Variants in DMC1 observed in about 807,000 individuals in gnomAD.
DMC1 encodes DNA meiotic recombinase 1, also known as meiotic recombination protein DMC1 homolog.
In DMC1, 27 loss-of-function variants were observed where a neutral mutation model predicts 50.1. The observed-to-expected ratio is 0.54, with a 90% CI of 0.40 to 0.74. The LOEUF (loss-of-function observed/expected upper bound fraction) is 0.74, where lower values mean the gene tolerates loss of function less well. Among genes scored for constraint, DMC1 ranks in the 30% least tolerant of loss-of-function variants. The probability of loss-of-function intolerance (pLI) is 0.00; values close to 1 mark genes in which losing one functional copy is unlikely to be tolerated. For missense variants in DMC1, 295 were observed against 420.2 expected (o/e 0.70, Z 2.60); for synonymous variants, 148 against 136.1 (o/e 1.09, Z -0.61).
At chr22:38,567,773 G>A (rs754546919) in intron 2 of DMC1, 146 bp from the exon 3 acceptor site, 61 of 663,056 alleles carry the variant, frequency 9.2e-5, no homozygotes, top group Admixed American at 2.6e-4. Context: ...GATCAATACC[G>A]TTTTTCAAAC....
At chr22:38,514,606 A>T (rs894397363), downstream of DMC1, among the ~76,000 whole-genome samples, 1 of 152,130 alleles carries the variant, frequency 6.6e-6, no homozygotes, top group Non-Finnish European at 1.5e-5. Context: ...ATAAAACAGG[A>T]TAGGTAAATA....
chr22:38,511,132 T>G, the DMC1 span, among the ~76,000 whole-genome samples: 1 of 150,396 alleles, frequency 6.6e-6, no homozygotes, highest in Non-Finnish European at 1.5e-5. Context: ...AGACCCCATC[T>G]GTAAAACAAA....
intron 12 of DMC1, among the ~76,000 whole-genome samples, chr22:38,533,668 CTAAT>C (rs912105490): frequency 2.0e-5 from 3 of 151,966 alleles, no homozygotes; most frequent in African/African-American, 7.3e-5. Flanking sequence ...TTAATTTACT[CTAAT>C]TAATTTAGGC....
intron 12 of DMC1, among the ~76,000 whole-genome samples, chr22:38,530,918 A>C (rs918907181): frequency 6.6e-6 from 1 of 152,056 alleles, no homozygotes; most frequent in African/African-American, 2.4e-5. Context: ...AAAAATACAA[A>C]AATTAGCCAG....
At chr22:38,557,981 G>C (rs1316123909) in intron 5 of DMC1, among the ~76,000 whole-genome samples, 1 of 9,044 alleles carries the variant, frequency 1.1e-4, no homozygotes, top group Non-Finnish European at 2.2e-4. Context: ...TTTTTTTTTT[G>C]AGACGGAGTC....
rs144287748 is a variant in DMC1, at chr22:38,532,651, A to G, written c.836+4941T>C. ...TTTTTTTTTTTTGAGACAGGTTCTC[A>G]CTCTCTTGCCCAGGCTGGAGTGCAG... On this transcript the variant is annotated intron_variant, in intron 12 of 13. Coordinates refer to ENST00000216024, the MANE Select transcript of DMC1 (RefSeq NM_007068.4). Among the ~76,000 whole-genome samples the G allele has an allele frequency of 2.1e-3, 312 of 148,942 alleles. 6 individuals are homozygous for G. In the East Asian group the frequency reaches 0.058, roughly 28 times the overall value.
chr22:38,549,927 A>G lies in DMC1; in HGVS notation c.492T>C (p.Thr164=), dbSNP rs1423030509. ...GCAACTTTAAATAAAAAGGTTACAA[A>G]GTATTTTCTGTATCAATGAAGATAA... The part of the protein sequence containing the change: ...GKIIFIDTEN[T]FRPDRLRDIA... Residue 164 remains threonine (T), a splice_region_variant and synonymous_variant, in exon 8 of 14, where the codon ACT becomes ACC. Coordinates refer to ENST00000216024, the MANE Select transcript of DMC1 (RefSeq NM_007068.4). 3 of 1,610,766 alleles carry G rather than the reference A, an allele frequency of 1.9e-6. No homozygotes were observed. The highest frequency in any genetic ancestry group is 1.7e-6 in the Non-Finnish European group (2 of 1,177,364).
At chr22:38,560,679 A>G (rs779407056) in intron 5 of DMC1, among the ~76,000 whole-genome samples, 2 of 151,946 alleles carry the variant, frequency 1.3e-5, no homozygotes, top group Non-Finnish European at 2.9e-5. Flanking sequence ...ACACACACAC[A>G]TATACACATA....
chr22:38,517,204 G>A (rs1379768993), downstream of DMC1, among the ~76,000 whole-genome samples: 2 of 152,210 alleles, frequency 1.3e-5, no homozygotes, highest in African/African-American at 2.4e-5. Context: ...CTTGGCTAGT[G>A]CCTTTGCTAT....
chr22:38,550,947 AAAGAAAG>A lies in DMC1; in HGVS notation c.422-957_422-951del, dbSNP rs1393502765. Among the ~76,000 whole-genome samples the A allele has an allele frequency of 2.0e-3, 248 of 126,284 alleles. 4 individuals carry two copies. Among genetic ancestry groups the A allele is most frequent in the African/African-American group, 7.9e-3 (231 of 29,088 alleles). 82.8% of individuals were successfully genotyped at this position (126,284 alleles called of 152,430 possible). A position where few individuals can be genotyped will look rare whatever the true frequency, so the allele number is the denominator to read the frequency against. ...CTCCATCTCAAAAAAAAAAAAAAAA[AAAGAAAG>A]AAAGAAAGAAAGAAAGAAAAAAGAA... is the stretch of plus-strand genomic sequence containing the variant. On this transcript the variant is annotated intron_variant, in intron 7 of 13. Transcript: ENST00000216024.
chr22:38,534,770 G>A (rs1946953141), intron 12 of DMC1, among the ~76,000 whole-genome samples: 1 of 152,016 alleles, frequency 6.6e-6, no homozygotes, highest in Non-Finnish European at 1.5e-5. Context: ...GGGAGGCCAA[G>A]GTGGGTGGAA....
intron 8 of DMC1, among the ~76,000 whole-genome samples, chr22:38,543,065 AAAGAC>A (rs1222022562): frequency 6.6e-6 from 1 of 152,214 alleles, no homozygotes; most frequent in African/African-American, 2.4e-5. Context: ...AAAATGGATT[AAAGAC>A]TTAAATCTAA....
rs369538413 is a variant in DMC1 at position 38,538,546 on chromosome 22, T to C, written c.653A>G (p.Lys218Arg). ...AKFHEEAGIF[K>R]LLIIDSIMAL... ...ATATTTAAAAGCTTGTACCAATAGC[T>C]TGAAGATGCCAGCTTCTTCATGGAA... The change falls in exon 10 of 14, where the codon AAG becomes AGG. Residue 218 changes from lysine (K) to arginine (R), a missense_variant. Transcript: ENST00000216024. 1.6e-5 allele frequency: 26 copies of C among 1,613,684 alleles called. No homozygotes were observed. The highest frequency in any genetic ancestry group is 1.6e-4 in the Middle Eastern group (1 of 6,084).
intron 12 of DMC1, among the ~76,000 whole-genome samples, chr22:38,528,443 T>C (rs1306239571): frequency 6.6e-6 from 1 of 152,062 alleles, no homozygotes; most frequent in Non-Finnish European, 1.5e-5. Flanking sequence ...TGTTCTATCC[T>C]TACGGCAATC....
intron 12 of DMC1, among the ~76,000 whole-genome samples, chr22:38,532,344 A>G (rs1351541051): frequency 6.7e-6 from 1 of 148,440 alleles, no homozygotes; most frequent in Admixed American, 6.8e-5. Context: ...CTTTTTTGAG[A>G]CAGAGTCTCA....
chr22:38,536,723 C>A (rs961698177), intron 12 of DMC1, among the ~76,000 whole-genome samples: 9 of 152,150 alleles, frequency 5.9e-5, no homozygotes, highest in Admixed American at 2.6e-4. Context: ...TAGCCCTAGA[C>A]CAAAGAGAAG....
chr22:38,512,436 G>C, the DMC1 span, among the ~76,000 whole-genome samples: 2 of 152,220 alleles, frequency 1.3e-5, no homozygotes, highest in African/African-American at 4.8e-5. Context: ...CACTGTAGTA[G>C]CATCTCTGGA....
At chr22:38,549,007 C>T (rs1002093563) in intron 8 of DMC1, among the ~76,000 whole-genome samples, 1 of 152,066 alleles carries the variant, frequency 6.6e-6, no homozygotes, top group Non-Finnish European at 1.5e-5. Flanking sequence ...CTTTGTCTAC[C>T]AAATATAGCC....
At chr22:38,567,555 T>C in intron 3 of DMC1, 28 bp downstream of exon 3, 1 of 1,568,128 alleles carries the variant, frequency 6.4e-7, no homozygotes, top group Non-Finnish European at 8.8e-7. Flanking sequence ...AATCAGACAA[T>C]TTAACACAGC....
Sources: allele counts gnomAD v4.1 joint callset (sites outside exome capture counted in the v4.1 genomes callset), GRCh38; gene constraint gnomAD v4.1.1; transcripts MANE v1.5; gene names NCBI Gene and HGNC (gene_info 2026-07-23, HGNC 2026-07-21).